The following SPATA33 variants were observed in gnomAD, a reference collection of about 807,000 sequenced individuals.
SPATA33 encodes spermatogenesis-associated protein 33.
In SPATA33, 10 loss-of-function variants were observed where a neutral mutation model predicts 8.9. The ratio of observed to expected loss-of-function variants is 1.12; its 90% CI spans 0.69 to 1.90. SPATA33 has a LOEUF of 1.90. SPATA33 is among the 40% of genes most tolerant of loss of function. The pLI is 0.00. For synonymous variants in SPATA33, 96 were observed against 72.8 expected (o/e 1.32, Z -1.63); for missense variants, 241 against 178.3 (o/e 1.35, Z -2.00).
intron 2 of SPATA33, among the ~76,000 whole-genome samples, chr16:89,661,765 G>A (rs1257839016): frequency 6.6e-6 from 1 of 152,042 alleles, no homozygotes; most frequent in African/African-American, 2.4e-5. Context: ...ACCTAGACCT[G>A]GGCTCAGTCA....
At chr16:89,658,534 C>T (rs2059918103) in intron 2 of SPATA33, 113 bp downstream of exon 2, 4 of 1,373,180 alleles carry the variant, frequency 2.9e-6, no homozygotes, top group East Asian at 2.5e-5. Flanking sequence ...CAGGCACGCG[C>T]CGTAAAGATG....
At chr16:89,657,794 CG>C, upstream of SPATA33, 2 of 1,463,260 alleles carry the variant, frequency 1.4e-6, no homozygotes, top group East Asian at 2.8e-5. Flanking sequence ...GCGCGGCGCG[CG>C]GTCGCCATGG....
At chr16:89,662,736 G>A (rs370052982) in intron 2 of SPATA33, among the ~76,000 whole-genome samples, 4 of 151,146 alleles carry the variant, frequency 2.6e-5, no homozygotes, top group South Asian at 2.1e-4. Flanking sequence ...CTCCCAGAGC[G>A]CTGGGATCAC....
chr16:89,669,226 G>A (rs1415580854), intron 2 of SPATA33, 60 bp from the exon 3 acceptor site: 2 of 1,476,390 alleles, frequency 1.4e-6, no homozygotes, highest in East Asian at 2.3e-5. Flanking sequence ...CAGGAGGTGT[G>A]TGCATCGTGG....
chr16:89,657,872 G>C lies in SPATA33; in HGVS notation c.-40G>C, dbSNP rs966133536. ...CCGGCTCCGCGGCCGCGGAGGTGTG[G>C]GGACCCGGGCTTGCGTCGGAGGGGG... On this transcript the variant is annotated 5_prime_UTR_variant, in exon 1 of 3. Transcript: ENST00000579310. 2 of 1,514,888 alleles carry C rather than the reference G, an allele frequency of 1.3e-6. No individual in the cohort carries two copies. The highest frequency in any genetic ancestry group is 5.3e-5 in the East Asian group (2 of 37,872). 93.8% of individuals were successfully genotyped at this position (1,514,888 alleles called of 1,614,324 possible).
intron 2 of SPATA33, among the ~76,000 whole-genome samples, chr16:89,663,251 T>TA (rs918891894): frequency 6.6e-6 from 1 of 151,798 alleles, no homozygotes; most frequent in Admixed American, 6.6e-5. Context: ...CTTTTTTTTT[T>TA]TTTTTTAGGC....
chr16:89,661,059 G>C, intron 2 of SPATA33: 3 of 987,202 alleles, frequency 3.0e-6, no homozygotes, highest in Non-Finnish European at 3.6e-6. Context: ...AACGTGTCCT[G>C]AACCCATAAA....
Position 89,657,898 on chromosome 16 carries a change from C to T in SPATA33, c.-14C>T, listed in dbSNP as rs1272135539. 14 of 1,515,910 alleles carry T rather than the reference C, an allele frequency of 9.2e-6. No individual in the cohort carries two copies. The highest frequency in any genetic ancestry group is 1.2e-5 in the Non-Finnish European group (14 of 1,139,160). 93.9% of individuals were successfully genotyped at this position (1,515,910 alleles called of 1,614,324 possible). A position where few individuals can be genotyped will look rare whatever the true frequency, so the allele number is the denominator to read the frequency against. Reference sequence around the variant, plus strand: ...GGACCCGGGCTTGCGTCGGAGGGGGCGGTGGGCTCACCCATGGGCCTTTCC... The same window carrying T: ...GGACCCGGGCTTGCGTCGGAGGGGGTGGTGGGCTCACCCATGGGCCTTTCC... On this transcript the variant is annotated 5_prime_UTR_variant, in exon 1 of 3. Coordinates refer to ENST00000579310, the MANE Select transcript of SPATA33 (RefSeq NM_001271907.2).
chr16:89,663,436 C>G (rs4785701), intron 2 of SPATA33, among the ~76,000 whole-genome samples: 69,848 of 151,788 alleles, frequency 0.46, 16,620 homozygotes, highest in South Asian at 0.61. Flanking sequence ...TGGTCTCAAA[C>G]TCCCGACCTC....
chr16:89,660,863 C>T (rs1376308254), intron 2 of SPATA33: 16 of 1,126,456 alleles, frequency 1.4e-5, no homozygotes, highest in Non-Finnish European at 1.7e-5. Flanking sequence ...GGAGCCAGAC[C>T]TGTGAGCAAA....
Position 89,658,295 on chromosome 16 carries a change from G to C in SPATA33, c.85G>C (p.Glu29Gln). Reference sequence around the variant, plus strand: ...CACCTATTCAGTTCCAAAATCTAAGGAGAAGTTGATGGAGAAGCATTCCCA... The same window carrying C: ...CACCTATTCAGTTCCAAAATCTAAGCAGAAGTTGATGGAGAAGCATTCCCA... ...GSTYSVPKSK[E>Q]KLMEKHSQEA... The change falls in exon 2 of 3, where the codon GAG (glutamate) becomes CAG (glutamine). Residue 29 changes from glutamate to glutamine, a missense_variant. Transcript: ENST00000579310. 6.2e-7 allele frequency: 1 copy of C among 1,614,184 alleles called. No homozygotes were observed. The highest frequency in any genetic ancestry group is 8.5e-7 in the Non-Finnish European group (1 of 1,180,036).
At chr16:89,666,850 T>C (rs764400433) in intron 2 of SPATA33, among the ~76,000 whole-genome samples, 2 of 152,190 alleles carry the variant, frequency 1.3e-5, no homozygotes, top group Admixed American at 6.5e-5. Flanking sequence ...GAGAGACAGC[T>C]TACGCCGTTA....
At chr16:89,664,871 G>C (rs1485001163) in intron 2 of SPATA33, among the ~76,000 whole-genome samples, 1 of 152,230 alleles carries the variant, frequency 6.6e-6, no homozygotes, top group Non-Finnish European at 1.5e-5. Flanking sequence ...CGCTGCACCT[G>C]CACCCCTGAC....
chr16:89,661,926 C>G (rs1197582830), intron 2 of SPATA33, among the ~76,000 whole-genome samples: 7 of 152,068 alleles, frequency 4.6e-5, no homozygotes, highest in African/African-American at 1.7e-4. Context: ...TATAGTTACG[C>G]TAAAACACAA....
chr16:89,664,202 A>G (rs1313414590), intron 2 of SPATA33, among the ~76,000 whole-genome samples: 1 of 152,204 alleles, frequency 6.6e-6, no homozygotes, highest in Non-Finnish European at 1.5e-5. Context: ...ACTCTTATAA[A>G]CAATTGTAGA....
intron 2 of SPATA33, among the ~76,000 whole-genome samples, chr16:89,668,417 A>G (rs186701100): frequency 1.9e-4 from 29 of 152,350 alleles, no homozygotes; most frequent in Non-Finnish European, 3.8e-4. Flanking sequence ...ACAAAGCTGT[A>G]AAACAACATG....
In SPATA33 at chr16:89,657,882, C is replaced by G. The variant is rs1042115767; in HGVS notation, c.-30C>G. On this transcript the variant is annotated 5_prime_UTR_variant, in exon 1 of 3. Transcript: ENST00000579310. ...GGCCGCGGAGGTGTGGGGACCCGGG[C>G]TTGCGTCGGAGGGGGCGGTGGGCTC... 7 of 1,516,190 alleles carry G rather than the reference C, an allele frequency of 4.6e-6. No homozygotes were observed. The East Asian group carries it at 1.1e-4, about 23-fold the overall frequency. 93.9% of individuals were successfully genotyped at this position (1,516,190 alleles called of 1,614,324 possible). A position where few individuals can be genotyped will look rare whatever the true frequency, so the allele number is the denominator to read the frequency against.
Position 89,669,959 on chromosome 16 carries a change from C to T in SPATA33, c.*462C>T, listed in dbSNP as rs368725031. On this transcript the variant is annotated 3_prime_UTR_variant, in exon 3 of 3. Coordinates refer to ENST00000579310, the MANE Select transcript of SPATA33 (RefSeq NM_001271907.2). ...GCTGCCCCACGCTGTAAGAAGCCGCCGCCCCCTTCTCCAGTGCTCTCCAGC... is the reference window on the plus strand; with the variant it reads ...GCTGCCCCACGCTGTAAGAAGCCGCTGCCCCCTTCTCCAGTGCTCTCCAGC... 3.8e-3 allele frequency: 555 copies of T among 146,370 alleles called. 17 individuals are homozygous for T. The highest frequency in any genetic ancestry group is 0.016 in the African/African-American group (515 of 32,150). The allele number at this position is 146,370 out of a possible 1,614,324, so 9.1% of individuals were successfully genotyped here.
chr16:89,658,072 C>A (rs773086491), intron 1 of SPATA33, 124 bp downstream of exon 1: 60 of 1,469,002 alleles, frequency 4.1e-5, no homozygotes, highest in Non-Finnish European at 7.2e-6. Flanking sequence ...CGAACCGTTC[C>A]TGCCGCCGAG....
Sources: gnomAD v4.1 joint callset for allele counts (sites outside exome capture counted in the v4.1 genomes callset) on GRCh38, gnomAD v4.1.1 for gene constraint, MANE v1.5 for transcripts, NCBI Gene and HGNC (gene_info 2026-07-23, HGNC 2026-07-21) for gene names.